Variants in ME2 observed in about 807,000 individuals in gnomAD.
ME2 encodes malic enzyme 2, also known as NAD-dependent malic enzyme, mitochondrial.
In ME2, 60 loss-of-function variants were observed where a neutral mutation model predicts 73.7. The ratio of observed to expected loss-of-function variants is 0.81; its 90% CI spans 0.66 to 1.01. The LOEUF (loss-of-function observed/expected upper bound fraction) is 1.01. Ranked by LOEUF, ME2 falls within the 50% of genes least tolerant of loss-of-function variation. The pLI is 0.00. For missense variants in ME2, 594 were observed against 705.5 expected (o/e 0.84, Z 1.79); for synonymous variants, 199 against 236.9 (o/e 0.84, Z 1.47).
At chr18:50,882,355 A>G (rs1451260420) in intron 1 of ME2, among the ~76,000 whole-genome samples, 1 of 152,144 alleles carries the variant, frequency 6.6e-6, no homozygotes, top group Non-Finnish European at 1.5e-5. Flanking sequence ...ACTATTTCGT[A>G]TGGGTTTTTT....
chr18:50,926,918 G>A (rs1917566767), intron 12 of ME2, among the ~76,000 whole-genome samples: 1 of 152,114 alleles, frequency 6.6e-6, no homozygotes, highest in African/African-American at 2.4e-5. Flanking sequence ...CTGCTTTCTT[G>A]TACTCACATT....
At chr18:50,936,568 T>A (rs1917824291) in intron 13 of ME2, among the ~76,000 whole-genome samples, 1 of 152,094 alleles carries the variant, frequency 6.6e-6, no homozygotes, top group Admixed American at 6.6e-5. Context: ...CAACAATAGC[T>A]CCGTTAAATA....
chr18:50,895,967 T>G, intron 2 of ME2, 39 bp downstream of exon 2: 2 of 1,368,590 alleles, frequency 1.5e-6, no homozygotes, highest in African/African-American at 2.9e-5. Context: ...TTCTCTCTTC[T>G]TATTAAAGTT....
chr18:50,926,013 A>G (rs930432906), intron 12 of ME2, 115 bp downstream of exon 12: 1 of 690,794 alleles, frequency 1.4e-6, no homozygotes, highest in Non-Finnish European at 2.4e-6. Flanking sequence ...GCATGCATCT[A>G]TGGGTGATCA....
intron 9 of ME2, 53 bp from the exon 10 acceptor site, chr18:50,921,021 C>A: frequency 1.2e-6 from 1 of 856,600 alleles, no homozygotes; most frequent in Non-Finnish European, 1.8e-6. Context: ...TAAAGTAATT[C>A]AAGCATTGCA....
intron 12 of ME2, among the ~76,000 whole-genome samples, chr18:50,928,441 T>C (rs953816826): frequency 2.6e-5 from 4 of 151,266 alleles, no homozygotes; most frequent in African/African-American, 7.3e-5. Context: ...GGTTTTACCA[T>C]GTTAGCCAGG....
At chr18:50,929,812 C>T (rs1917652021) in intron 12 of ME2, among the ~76,000 whole-genome samples, 1 of 152,114 alleles carries the variant, frequency 6.6e-6, no homozygotes, top group African/African-American at 2.4e-5. Flanking sequence ...TCTACAATGA[C>T]TCTTGGGTAA....
intron 3 of ME2, among the ~76,000 whole-genome samples, chr18:50,911,815 G>A (rs577159146): frequency 6.6e-6 from 1 of 152,262 alleles, no homozygotes; most frequent in African/African-American, 2.4e-5. Flanking sequence ...CTTATTTTAC[G>A]ATGATTTATT....
intron 6 of ME2, among the ~76,000 whole-genome samples, 172 bp from the exon 7 acceptor site, chr18:50,917,938 T>C (rs1179542913): frequency 6.6e-6 from 1 of 152,130 alleles, no homozygotes; most frequent in Non-Finnish European, 1.5e-5. Context: ...ACCATTGCAC[T>C]CCAGCCTGGG....
At chr18:50,934,768 G>A (rs1047657519) in intron 13 of ME2, 2 of 152,244 alleles carry the variant, frequency 1.3e-5, no homozygotes, top group East Asian at 1.9e-4. Context: ...GAATGACCTA[G>A]TTGAGCAACT....
rs374223952 is a variant in ME2 at position 50,889,856 on chromosome 18, G to A, written c.-12-5953G>A. Among the ~76,000 whole-genome samples, 17 of 152,208 alleles carry A rather than the reference G, an allele frequency of 1.1e-4. No homozygotes were observed. In the South Asian group the frequency reaches 2.9e-3, roughly 26 times the overall value. On this transcript the variant is annotated intron_variant, in intron 1 of 15. Transcript: ENST00000321341. Reference sequence around the variant, plus strand: ...ATGCCCAATAAGCCTAATATGTTTCGCTTGGACTTCCACAGGCCCTTTTGG... The same window carrying A: ...ATGCCCAATAAGCCTAATATGTTTCACTTGGACTTCCACAGGCCCTTTTGG...
intron 1 of ME2, among the ~76,000 whole-genome samples, chr18:50,889,354 A>G (rs532500281): frequency 3.3e-4 from 50 of 152,302 alleles, no homozygotes; most frequent in South Asian, 1.0e-3. Flanking sequence ...ATTAAGCTCT[A>G]TAAAACTTTT....
chr18:50,881,257 G>A (rs1490774051), intron 1 of ME2, among the ~76,000 whole-genome samples: 1 of 152,008 alleles, frequency 6.6e-6, no homozygotes, highest in Admixed American at 6.6e-5. Flanking sequence ...GGCTGGTCTC[G>A]AACTGCTGAC....
At chr18:50,891,517 A>G (rs1231418201) in intron 1 of ME2, among the ~76,000 whole-genome samples, 3 of 152,212 alleles carry the variant, frequency 2.0e-5, no homozygotes, top group Non-Finnish European at 4.4e-5. Context: ...AATTTATTCC[A>G]TAAGCACCTA....
intron 1 of ME2, among the ~76,000 whole-genome samples, chr18:50,887,961 A>G (rs1789229): frequency 0.34 from 51,349 of 152,076 alleles, 8,848 homozygotes; most frequent in Non-Finnish European, 0.37. Context: ...AAATATAGAC[A>G]TAAAATAATT....
At chr18:50,883,568 C>T (rs1370956427) in intron 1 of ME2, among the ~76,000 whole-genome samples, 1 of 152,134 alleles carries the variant, frequency 6.6e-6, no homozygotes, top group Non-Finnish European at 1.5e-5. Flanking sequence ...TTCCAGTATT[C>T]AAGAAACTCT....
intron 1 of ME2, among the ~76,000 whole-genome samples, chr18:50,880,234 C>G (rs1424754331): frequency 1.3e-5 from 2 of 152,152 alleles, no homozygotes; most frequent in African/African-American, 2.4e-5. Flanking sequence ...GTTACTGCCT[C>G]CACTTTACAA....
At position 50,946,539 on chromosome 18, in the gene ME2, G is replaced by A. The variant is rs151229642; in HGVS notation, c.1588-478G>A. Among the ~76,000 whole-genome samples, 233 of 152,316 alleles carry A rather than the reference G, an allele frequency of 1.5e-3. 1 individual carries two copies. In the East Asian group the frequency reaches 0.026, roughly 17 times the overall value. ...GTGCCTGGCACTCAGTGATAGTGGT[G>A]TCAGTTCCCCTGTATAGGTTCTAGC... On this transcript the variant is annotated intron_variant, in intron 15 of 15. Transcript: ENST00000321341.
In ME2 at chr18:50,900,518, G is replaced by C. The variant is rs367667175; in HGVS notation, c.108+4590G>C. ...ACTGTGGTCGCGATCTGCTGACCTC[G>C]TGATCTGCCCACCTCAGCCTCCCAA... On this transcript the variant is annotated intron_variant, in intron 2 of 15. Transcript: ENST00000321341. Among the ~76,000 whole-genome samples the C allele has an allele frequency of 1.3e-4, 19 of 151,984 alleles. No individual in the cohort carries two copies. In the East Asian group the frequency reaches 2.3e-3, roughly 19 times the overall value.
Sources: allele counts gnomAD v4.1 joint callset (sites outside exome capture counted in the v4.1 genomes callset), GRCh38; gene constraint gnomAD v4.1.1; transcripts MANE v1.5; gene names NCBI Gene and HGNC (gene_info 2026-07-23, HGNC 2026-07-21).